TMEFF2: variants seen among roughly 807,000 people sequenced by gnomAD.
TMEFF2 encodes the protein transmembrane protein with EGF like and two follistatin like domains 2.
TMEFF2 carries 28 observed loss-of-function variants against 53.8 expected under a neutral mutation model. The ratio of observed to expected loss-of-function variants is 0.52; its 90% CI spans 0.39 to 0.71. The LOEUF is 0.71. TMEFF2 is among the 30% of genes least tolerant of loss of function. TMEFF2 has a pLI of 0.00. For missense variants in TMEFF2, 353 were observed against 455.2 expected (o/e 0.78, Z 2.04); for synonymous variants, 162 against 166.3 (o/e 0.97, Z 0.20).
At chr2:192,166,683 G>A (rs546709464) in intron 4 of TMEFF2, among the ~76,000 whole-genome samples, 8 of 152,072 alleles carry the variant, frequency 5.3e-5, no homozygotes, top group Admixed American at 1.3e-4. Flanking sequence ...CCTGCAAAAC[G>A]GGGCAACAAA....
chr2:191,949,774 G>A lies in TMEFF2; in HGVS notation c.*537C>T. ...ACCAGGGAAGAAAGTTGATGAAATAGAGATGATTCAAAGATCGGAAATATT... is the reference window on the plus strand; with the variant it reads ...ACCAGGGAAGAAAGTTGATGAAATAAAGATGATTCAAAGATCGGAAATATT... On this transcript the variant is annotated 3_prime_UTR_variant, in exon 10 of 10. Transcript: ENST00000272771. The A allele has an allele frequency of 1.0e-6, 1 of 985,256 alleles. No homozygotes were observed. Among genetic ancestry groups the A allele is most frequent in the Non-Finnish European group, 1.2e-6 (1 of 829,802 alleles). The allele number at this position is 985,256 out of a possible 1,614,324, so 61.0% of individuals were successfully genotyped here.
chr2:192,150,310 A>G (rs1484291272), intron 4 of TMEFF2, among the ~76,000 whole-genome samples: 2 of 151,924 alleles, frequency 1.3e-5, no homozygotes, highest in Non-Finnish European at 2.9e-5. Flanking sequence ...AACTGTTAGT[A>G]GCCAGATGTC....
At chr2:192,071,278 G>A (rs953134590) in intron 4 of TMEFF2, among the ~76,000 whole-genome samples, 1 of 151,906 alleles carries the variant, frequency 6.6e-6, no homozygotes, top group Non-Finnish European at 1.5e-5. Context: ...ACCAACTGCA[G>A]TGAACAAGTA....
intron 4 of TMEFF2, among the ~76,000 whole-genome samples, chr2:192,077,691 G>T (rs921271654): frequency 1.3e-5 from 2 of 151,856 alleles, no homozygotes; most frequent in African/African-American, 4.8e-5. Flanking sequence ...GATACAGAAG[G>T]TATCATGGAT....
At chr2:192,184,876 T>C (rs987268552) in intron 2 of TMEFF2, among the ~76,000 whole-genome samples, 5 of 152,056 alleles carry the variant, frequency 3.3e-5, no homozygotes, top group Admixed American at 6.6e-5. Flanking sequence ...ACAAAGGTAA[T>C]GTCTATCTGT....
At chr2:191,969,591 G>A (rs1692575926) in intron 7 of TMEFF2, among the ~76,000 whole-genome samples, 2 of 152,262 alleles carry the variant, frequency 1.3e-5, no homozygotes, top group South Asian at 2.1e-4. Flanking sequence ...GGTGTGAAAG[G>A]TCAAGCATAA....
At chr2:192,145,965 T>G (rs1690241703) in intron 4 of TMEFF2, among the ~76,000 whole-genome samples, 1 of 152,020 alleles carries the variant, frequency 6.6e-6, no homozygotes, top group African/African-American at 2.4e-5. Context: ...TTCAGTGAAC[T>G]GATTAACTAA....
rs534603417 is a variant in TMEFF2, at chr2:191,950,850, T to C, written c.1029-443A>G. 4.0e-4 allele frequency among the ~76,000 whole-genome samples: 61 copies of C among 152,302 alleles called. No individual in the cohort carries two copies. In the South Asian group the frequency reaches 0.012, roughly 30 times the overall value. On this transcript the variant is annotated intron_variant, in intron 9 of 9. Coordinates refer to ENST00000272771, the MANE Select transcript of TMEFF2 (RefSeq NM_016192.4). ...CCAGAGAATGAACCAACTGTTAATA[T>C]CTGATATGTAATGGAAAGGAATATT...
chr2:192,052,987 T>G (rs542172051), intron 5 of TMEFF2, among the ~76,000 whole-genome samples: 1 of 152,332 alleles, frequency 6.6e-6, no homozygotes, highest in African/African-American at 2.4e-5. Context: ...GTAGCAATGG[T>G]CTTCCTTTCC....
In TMEFF2 at chr2:192,099,400, C is replaced by T. The variant is rs764398840; in HGVS notation, c.440-41625G>A. 2.0e-5 allele frequency among the ~76,000 whole-genome samples: 3 copies of T among 152,072 alleles called. No homozygotes were observed. The East Asian group carries it at 5.8e-4, about 29-fold the overall frequency. On this transcript the variant is annotated intron_variant, in intron 4 of 9. Coordinates refer to ENST00000272771, the MANE Select transcript of TMEFF2 (RefSeq NM_016192.4). Reference sequence around the variant, plus strand: ...AACTAATTCTTTGAGAGGCTTAGGACATTAGATACTGTGGCAGCTTTTAGA... The same window carrying T: ...AACTAATTCTTTGAGAGGCTTAGGATATTAGATACTGTGGCAGCTTTTAGA...
Position 192,194,462 on chromosome 2 carries a change from C to G in TMEFF2, c.63G>C (p.Trp21Cys). Residue 21 changes from tryptophan to cysteine, a missense_variant, in exon 1 of 10, where the codon TGG becomes TGC. Transcript: ENST00000272771. This position sits in a 1 kb window ranked among gnomAD's most constrained non-coding sequence, Gnocchi z 4.2. ...SSWTLCEGFC[W>C]LLLLPVMLLI... Reference sequence around the variant, plus strand: ...GTAGCATGACGGGCAGCAGCAGCAGCCAGCAAAAGCCCTCGCAAAGTGTCC... The same window carrying G: ...GTAGCATGACGGGCAGCAGCAGCAGGCAGCAAAAGCCCTCGCAAAGTGTCC... 6.2e-7 allele frequency: 1 copy of G among 1,614,164 alleles called. No homozygotes were observed. The highest frequency in any genetic ancestry group is 1.1e-5 in the South Asian group (1 of 91,080).
chr2:191,996,302 G>T (rs1296420763), intron 7 of TMEFF2, among the ~76,000 whole-genome samples: 7 of 151,842 alleles, frequency 4.6e-5, no homozygotes, highest in Non-Finnish European at 8.8e-5. Flanking sequence ...TCAGGGAGAG[G>T]CTTGATTTTT....
intron 5 of TMEFF2, among the ~76,000 whole-genome samples, chr2:192,009,584 T>G (rs754692176): frequency 5.9e-5 from 9 of 152,114 alleles, no homozygotes; most frequent in Non-Finnish European, 1.2e-4. Context: ...ACTTACTGAT[T>G]TTGGGGTCAA....
intron 4 of TMEFF2, among the ~76,000 whole-genome samples, chr2:192,100,600 A>G (rs1256638995): frequency 6.6e-6 from 1 of 152,218 alleles, no homozygotes; most frequent in Non-Finnish European, 1.5e-5. Context: ...AAAAACAAAC[A>G]AACCAAAAAC....
chr2:192,075,312 T>G (rs372493172), intron 4 of TMEFF2, among the ~76,000 whole-genome samples: 1 of 105,778 alleles, frequency 9.5e-6, no homozygotes, highest in Non-Finnish European at 1.8e-5. Flanking sequence ...TATATATATA[T>G]ATATATATAT....
At chr2:192,004,628 A>C (rs1430750344) in intron 5 of TMEFF2, among the ~76,000 whole-genome samples, 1 of 152,176 alleles carries the variant, frequency 6.6e-6, no homozygotes, top group Non-Finnish European at 1.5e-5. Context: ...ATAAATAATT[A>C]AAAATACGTT....
At position 192,111,368 on chromosome 2, in the gene TMEFF2, G is replaced by A. The variant is rs147688053; in HGVS notation, c.440-53593C>T. On this transcript the variant is annotated intron_variant, in intron 4 of 9. Coordinates refer to ENST00000272771, the MANE Select transcript of TMEFF2 (RefSeq NM_016192.4). ...GGAACTTGTTGAGAACTAGAGTAAAGGTAACTATTACTATGTTTTAGCAAG... is the reference window on the plus strand; with the variant it reads ...GGAACTTGTTGAGAACTAGAGTAAAAGTAACTATTACTATGTTTTAGCAAG... Among the ~76,000 whole-genome samples, 1,146 of 152,254 alleles carry A rather than the reference G, an allele frequency of 7.5e-3. 11 individuals are homozygous for A. Among genetic ancestry groups the A allele is most frequent in the Non-Finnish European group, 1.0e-2 (678 of 68,020 alleles).
intron 4 of TMEFF2, among the ~76,000 whole-genome samples, chr2:192,114,990 A>T (rs1689367700): frequency 6.6e-6 from 1 of 151,954 alleles, no homozygotes; most frequent in Admixed American, 6.6e-5. Context: ...TCAACTAAAT[A>T]TTTTTTTAAA....
chr2:192,114,627 C>A (rs1689358595), intron 4 of TMEFF2, among the ~76,000 whole-genome samples: 1 of 151,810 alleles, frequency 6.6e-6, no homozygotes, highest in Non-Finnish European at 1.5e-5. Flanking sequence ...ACAAAAATTA[C>A]TTGAGTTTCT....
Sources: allele counts gnomAD v4.1 joint callset (sites outside exome capture counted in the v4.1 genomes callset), GRCh38; gene constraint gnomAD v4.1.1; non-coding constraint Gnocchi (gnomAD v3.1); transcripts MANE v1.5; gene names NCBI Gene and HGNC (gene_info 2026-07-23, HGNC 2026-07-21).